SAMMSON: variants seen among roughly 807,000 people sequenced by gnomAD.
SAMMSON encodes the protein survival associated mitochondrial melanoma specific oncogenic non-coding RNA, also known as long intergenic non-protein coding RNA 1212.
chr3:70,032,497 G>T (rs543775229), intron 3 of SAMMSON, among the ~76,000 whole-genome samples: 1 of 152,138 alleles, frequency 6.6e-6, no homozygotes, highest in Non-Finnish European at 1.5e-5. Context: ...AATTACAAAG[G>T]CTGGGAAGAA....
intron 4 of SAMMSON, among the ~76,000 whole-genome samples, chr3:70,247,532 T>G (rs1478362934): frequency 6.6e-6 from 1 of 151,788 alleles, no homozygotes; most frequent in Non-Finnish European, 1.5e-5. Context: ...ATATAGGATT[T>G]TTCTATATTA....
intron 4 of SAMMSON, among the ~76,000 whole-genome samples, chr3:70,127,434 G>C (rs2067463743): frequency 6.6e-6 from 1 of 152,142 alleles, no homozygotes; most frequent in African/African-American, 2.4e-5. Flanking sequence ...GAGGCCATAT[G>C]TTTTCATTCT....
chr3:70,364,250 A>G (rs985663916), intron 9 of SAMMSON, among the ~76,000 whole-genome samples: 9 of 151,888 alleles, frequency 5.9e-5, no homozygotes, highest in African/African-American at 2.2e-4. Context: ...CAGTTTCATC[A>G]ATAAAGGTTC....
chr3:70,382,047 A>T (rs1703073631), intron 9 of SAMMSON, among the ~76,000 whole-genome samples: 1 of 152,142 alleles, frequency 6.6e-6, no homozygotes, highest in African/African-American at 2.4e-5. Flanking sequence ...TACATAGTGA[A>T]TATTTAGAAA....
intron 6 of SAMMSON, among the ~76,000 whole-genome samples, chr3:70,283,034 C>G (rs989943502): frequency 2.0e-5 from 3 of 152,132 alleles, no homozygotes; most frequent in Admixed American, 2.0e-4. Context: ...ATCTCAATCA[C>G]AAGACGTTGA....
At chr3:70,254,601 C>G (rs888273171) in intron 6 of SAMMSON, among the ~76,000 whole-genome samples, 2 of 152,072 alleles carry the variant, frequency 1.3e-5, no homozygotes, top group Admixed American at 1.3e-4. Context: ...ACTTAGCAAA[C>G]CAAAAGTGGA....
At chr3:70,286,261 T>C (rs1288222581) in intron 6 of SAMMSON, among the ~76,000 whole-genome samples, 4 of 152,220 alleles carry the variant, frequency 2.6e-5, no homozygotes, top group African/African-American at 9.7e-5. Context: ...GGATCCAGTT[T>C]CAGCTTTCTA....
chr3:70,305,217 C>T (rs948657252), intron 7 of SAMMSON, among the ~76,000 whole-genome samples: 1 of 152,158 alleles, frequency 6.6e-6, no homozygotes, highest in African/African-American at 2.4e-5. Flanking sequence ...CATATTTTCA[C>T]ATCTTTTTTT....
At chr3:70,302,987 T>A (rs1429697098) in intron 7 of SAMMSON, among the ~76,000 whole-genome samples, 1 of 152,212 alleles carries the variant, frequency 6.6e-6, no homozygotes, top group Non-Finnish European at 1.5e-5. Context: ...ATCTCATCTT[T>A]TGCTGAACTT....
At chr3:70,299,497 T>C (rs921322555) in intron 7 of SAMMSON, among the ~76,000 whole-genome samples, 10 of 152,258 alleles carry the variant, frequency 6.6e-5, no homozygotes, top group Non-Finnish European at 1.0e-4. Context: ...AAAATTCCCA[T>C]TGAATCCAGA....
intron 3 of SAMMSON, chr3:70,014,220 C>G (rs1434264797): frequency 6.6e-6 from 1 of 152,146 alleles, no homozygotes; most frequent in Non-Finnish European, 1.5e-5. Flanking sequence ...AGGATTTTAT[C>G]CTTCGTACAG....
At chr3:70,101,746 A>G (rs541909290) in intron 4 of SAMMSON, among the ~76,000 whole-genome samples, 2 of 152,196 alleles carry the variant, frequency 1.3e-5, no homozygotes, top group African/African-American at 4.8e-5. Context: ...CTGGAATTAT[A>G]GAATTCCTCA....
At chr3:70,250,077 C>T (rs1701746032) in intron 6 of SAMMSON, among the ~76,000 whole-genome samples, 1 of 152,118 alleles carries the variant, frequency 6.6e-6, no homozygotes, top group South Asian at 2.1e-4. Flanking sequence ...TCAGGTTGTG[C>T]AAATTTTACA....
At chr3:70,163,941 T>C (rs1043572829) in intron 4 of SAMMSON, among the ~76,000 whole-genome samples, 10 of 152,160 alleles carry the variant, frequency 6.6e-5, no homozygotes, top group African/African-American at 2.2e-4. Context: ...TTGCCTTGTA[T>C]AGTTTAGCCA....
chr3:70,107,050 T>G (rs938692587), intron 4 of SAMMSON, among the ~76,000 whole-genome samples: 10 of 152,170 alleles, frequency 6.6e-5, no homozygotes, highest in Admixed American at 1.3e-4. Context: ...TGCATTGTCT[T>G]GAGAGCTATG....
intron 4 of SAMMSON, among the ~76,000 whole-genome samples, chr3:70,108,455 T>C (rs915140614): frequency 1.4e-5 from 2 of 145,832 alleles, no homozygotes; most frequent in African/African-American, 5.2e-5. Flanking sequence ...ATAACTCACC[T>C]AAGGAGCTGA....
chr3:70,425,376 C>G (rs1468764826), intron 2 of SAMMSON, among the ~76,000 whole-genome samples: 2 of 151,878 alleles, frequency 1.3e-5, no homozygotes, highest in Non-Finnish European at 2.9e-5. Context: ...GACTGACAAC[C>G]TATTTCAAGT....
intron 4 of SAMMSON, among the ~76,000 whole-genome samples, chr3:70,113,196 ATAAT>A (rs2067396397): frequency 6.6e-6 from 1 of 152,258 alleles, no homozygotes; most frequent in African/African-American, 2.4e-5. Context: ...TTATCACACC[ATAAT>A]TAATGATAAA....
rs537105505 is a variant in SAMMSON, at chr3:70,375,614, C to T, written n.914-13960C>T. Among the ~76,000 whole-genome samples, 3 of 152,226 alleles carry T rather than the reference C, an allele frequency of 2.0e-5. No homozygotes were observed. In the South Asian group the frequency reaches 6.2e-4, roughly 32 times the overall value. On this transcript the variant is annotated intron_variant and non_coding_transcript_variant, in intron 9 of 9. Transcript: ENST00000642114. ...CACAGGGACAGATATGCAAATATGT[C>T]ATTCCTACAAATATGGCATATCAAC...
Sources: gnomAD v4.1 joint callset for allele counts (sites outside exome capture counted in the v4.1 genomes callset) on GRCh38, gnomAD v4.1.1 for gene constraint, MANE v1.5 for transcripts, NCBI Gene and HGNC (gene_info 2026-07-23, HGNC 2026-07-21) for gene names.